TAFA2: variants seen among roughly 807,000 people sequenced by gnomAD.
TAFA2 encodes the protein chemokine-like protein TAFA-2.
A neutral mutation model predicts 18.8 loss-of-function variants in TAFA2; 7 were observed. That is an observed-to-expected ratio of 0.37 (90% CI 0.21 to 0.70). TAFA2 has a LOEUF of 0.70. Ranked by LOEUF, TAFA2 falls within the 30% of genes least tolerant of loss-of-function variation. The pLI, the probability that TAFA2 is intolerant of heterozygous loss-of-function variation, is 0.53. For synonymous variants in TAFA2, 60 were observed against 54.2 expected (o/e 1.11, Z -0.47); for missense variants, 122 against 158.1 (o/e 0.77, Z 1.23).
At chr12:61,928,571 C>T (rs851900) in intron 1 of TAFA2, among the ~76,000 whole-genome samples, 47,682 of 151,870 alleles carry the variant, frequency 0.31, 9,821 homozygotes, top group African/African-American at 0.6. Flanking sequence ...GTTGTGGGAA[C>T]GTAAATTAGT....
chr12:62,254,830 G>A (rs970623944), intron 1 of TAFA2, among the ~76,000 whole-genome samples: 1 of 152,120 alleles, frequency 6.6e-6, no homozygotes, highest in African/African-American at 2.4e-5. Context: ...CTATTATATT[G>A]TTCTAAGACT....
intron 1 of TAFA2, among the ~76,000 whole-genome samples, chr12:62,004,250 T>A (rs183271831): frequency 1.5e-4 from 23 of 152,278 alleles, no homozygotes; most frequent in African/African-American, 5.3e-4. Context: ...TGCAGGAAAC[T>A]TCAAGCCTCT....
chr12:61,742,718 C>T (rs927862454), intron 4 of TAFA2, among the ~76,000 whole-genome samples: 68 of 152,230 alleles, frequency 4.5e-4, no homozygotes, highest in African/African-American at 1.6e-3. Context: ...GATATCTCTA[C>T]CTCATAGTCT....
At chr12:61,910,172 C>A (rs1266510683) in intron 1 of TAFA2, among the ~76,000 whole-genome samples, 1 of 151,560 alleles carries the variant, frequency 6.6e-6, no homozygotes, top group African/African-American at 2.4e-5. Flanking sequence ...CATCTAACCT[C>A]CCTCTTTCAG....
chr12:61,804,196 G>C (rs1177859549), intron 2 of TAFA2, among the ~76,000 whole-genome samples: 1 of 151,892 alleles, frequency 6.6e-6, no homozygotes, highest in Admixed American at 6.6e-5. Context: ...TACTTTAAAA[G>C]AACTTCAAGG....
intron 1 of TAFA2, among the ~76,000 whole-genome samples, chr12:62,106,570 T>C (rs1282196062): frequency 2.0e-5 from 3 of 152,156 alleles, no homozygotes; most frequent in African/African-American, 7.2e-5. Flanking sequence ...TGCCCTCCAA[T>C]CTGATGTGTT....
intron 2 of TAFA2, among the ~76,000 whole-genome samples, chr12:61,831,178 C>A (rs568389693): frequency 6.6e-6 from 1 of 152,094 alleles, no homozygotes; most frequent in African/African-American, 2.4e-5. Context: ...TATATAAGGA[C>A]CTTAGCTCAA....
At position 61,753,762 on chromosome 12, in the gene TAFA2, A is replaced by T. The variant is rs200217706; in HGVS notation, c.260-16T>A. ...ACTATTGAAGCTATAAGAGAGAAAA[A>T]AAATTGACTCAACATTTTTTTCTTG... On this transcript the variant is annotated splice_polypyrimidine_tract_variant and intron_variant, in intron 3 of 4. Transcript: ENST00000416284. 15 of 1,589,298 alleles carry T rather than the reference A, an allele frequency of 9.4e-6. No homozygotes were observed. The highest frequency in any genetic ancestry group is 1.3e-5 in the Non-Finnish European group (15 of 1,168,938).
Position 61,915,083 on chromosome 12 carries a change from C to T in TAFA2, c.-1-47657G>A, listed in dbSNP as rs774001330. On this transcript the variant is annotated intron_variant, in intron 1 of 4. Coordinates refer to ENST00000416284, the MANE Select transcript of TAFA2 (RefSeq NM_178539.5). The stretch of plus-strand genomic sequence containing the variant: ...GGCTGAGGCAGGAGAATTGCTTGAA[C>T]CCAGGAGGTGGAGGTTGTGGTGAGC... 1.6e-4 allele frequency among the ~76,000 whole-genome samples: 24 copies of T among 152,100 alleles called. 1 individual carries two copies. The highest frequency in any genetic ancestry group is 5.2e-4 in the Admixed American group (8 of 15,244).
At chr12:62,198,958 A>C (rs767067241) in intron 1 of TAFA2, among the ~76,000 whole-genome samples, 2 of 152,108 alleles carry the variant, frequency 1.3e-5, no homozygotes, top group African/African-American at 4.8e-5. Context: ...ACTGTCCTAC[A>C]TGTAGTAGGC....
intron 1 of TAFA2, among the ~76,000 whole-genome samples, chr12:62,131,352 A>G (rs1401283138): frequency 6.6e-6 from 1 of 152,076 alleles, no homozygotes; most frequent in Non-Finnish European, 1.5e-5. Flanking sequence ...AACAGCAAAT[A>G]GTTAGCTCCT....
intron 2 of TAFA2, among the ~76,000 whole-genome samples, chr12:61,831,832 T>C (rs953472011): frequency 6.6e-6 from 1 of 152,080 alleles, no homozygotes; most frequent in Non-Finnish European, 1.5e-5. Flanking sequence ...GTATATCTCC[T>C]AATGCTATCC....
At chr12:61,802,184 T>C (rs1191764068) in intron 2 of TAFA2, among the ~76,000 whole-genome samples, 1 of 152,002 alleles carries the variant, frequency 6.6e-6, no homozygotes, top group African/African-American at 2.4e-5. Flanking sequence ...ATAGCCACTA[T>C]TGAAAACAGT....
intron 1 of TAFA2, among the ~76,000 whole-genome samples, chr12:62,167,823 A>C (rs1430021369): frequency 5.3e-5 from 8 of 152,166 alleles, no homozygotes; most frequent in Non-Finnish European, 8.8e-5. Flanking sequence ...GACACACTTG[A>C]ATCATCTTGT....
At position 62,154,932 on chromosome 12, in the gene TAFA2, G is replaced by C. The variant is rs1357840009; in HGVS notation, c.-2+36327C>G. On this transcript the variant is annotated intron_variant, in intron 1 of 4. Transcript: ENST00000416284. ...AGCACTCCTCTTCAACATAGTACTGGAAGTCCTAGCCAGAGCAATCAGACA... is the reference window on the plus strand; with the variant it reads ...AGCACTCCTCTTCAACATAGTACTGCAAGTCCTAGCCAGAGCAATCAGACA... Among the ~76,000 whole-genome samples, 5 of 152,080 alleles carry C rather than the reference G, an allele frequency of 3.3e-5. No homozygotes were observed. The East Asian group carries it at 9.7e-4, about 29-fold the overall frequency.
At chr12:62,113,451 A>T (rs1461690074) in intron 1 of TAFA2, among the ~76,000 whole-genome samples, 1 of 152,118 alleles carries the variant, frequency 6.6e-6, no homozygotes, top group East Asian at 1.9e-4. Context: ...CCCAGTCAGG[A>T]GGCACAGGAG....
chr12:61,843,346 A>G (rs367819796), intron 2 of TAFA2, among the ~76,000 whole-genome samples: 14 of 151,978 alleles, frequency 9.2e-5, no homozygotes, highest in South Asian at 4.2e-4. Flanking sequence ...CAGATATTGG[A>G]AAAAAAACTG....
At chr12:61,888,250 A>T (rs1875477480) in intron 1 of TAFA2, among the ~76,000 whole-genome samples, 2 of 152,178 alleles carry the variant, frequency 1.3e-5, no homozygotes, top group South Asian at 4.1e-4. Flanking sequence ...AAAGGACTAT[A>T]AATCATGCTG....
intron 1 of TAFA2, chr12:62,135,828 T>C (rs778993053): frequency 1.3e-5 from 2 of 152,128 alleles, no homozygotes; most frequent in African/African-American, 2.4e-5. Flanking sequence ...AGTAGACAGT[T>C]AAAAAGTGAG....
Sources: allele counts gnomAD v4.1 joint callset (sites outside exome capture counted in the v4.1 genomes callset), GRCh38; gene constraint gnomAD v4.1.1; transcripts MANE v1.5; gene names NCBI Gene and HGNC (gene_info 2026-07-23, HGNC 2026-07-21).